Variants in ZNF451 observed in about 807,000 individuals in gnomAD.
ZNF451 encodes the protein E3 SUMO-protein ligase ZNF451.
In ZNF451, 80 loss-of-function variants were observed where a neutral mutation model predicts 107.1. The ratio of observed to expected loss-of-function variants is 0.75; its 90% CI spans 0.62 to 0.90. The LOEUF is 0.90. ZNF451 is among the 40% of genes least tolerant of loss of function. ZNF451 has a pLI of 0.00. For synonymous variants in ZNF451, 362 were observed against 406.5 expected (o/e 0.89, Z 1.32); for missense variants, 1,107 against 1,236.2 (o/e 0.90, Z 1.57).
intron 13 of ZNF451, among the ~76,000 whole-genome samples, chr6:57,156,660 C>G (rs1049257464): frequency 1.3e-5 from 2 of 152,194 alleles, no homozygotes; most frequent in African/African-American, 4.8e-5. Flanking sequence ...CATACAATTT[C>G]AAGGGATTTG....
chr6:57,124,921 A>C, intron 4 of ZNF451, 62 bp downstream of exon 4: 1 of 1,164,618 alleles, frequency 8.6e-7, no homozygotes, highest in Non-Finnish European at 1.1e-6. Context: ...AAAGTTGGTA[A>C]AAAGCCTTTA....
At chr6:57,166,357 T>A (rs1763897039) in intron 14 of ZNF451, among the ~76,000 whole-genome samples, 2 of 152,346 alleles carry the variant, frequency 1.3e-5, no homozygotes, top group South Asian at 4.1e-4. Flanking sequence ...TTTTTTTTCT[T>A]CAGTAATCAG....
At chr6:57,114,690 T>A (rs1292773476) in intron 3 of ZNF451, among the ~76,000 whole-genome samples, 1 of 152,192 alleles carries the variant, frequency 6.6e-6, no homozygotes, top group Non-Finnish European at 1.5e-5. Flanking sequence ...ATTAAACATA[T>A]TTTTATAAGG....
chr6:57,108,031 G>C (rs768216892), intron 3 of ZNF451: 30 of 553,864 alleles, frequency 5.4e-5, no homozygotes, highest in Non-Finnish European at 6.4e-5. Flanking sequence ...GTAGAGATGG[G>C]GTTTCACCGT....
At chr6:57,103,257 A>G (rs563894133) in intron 3 of ZNF451, 1 of 985,440 alleles carries the variant, frequency 1.0e-6, no homozygotes, top group South Asian at 4.7e-5. Context: ...ATAGCTGTGG[A>G]TGTGGTGAAG....
chr6:57,158,963 G>A, intron 13 of ZNF451: 2 of 985,428 alleles, frequency 2.0e-6, no homozygotes, highest in Non-Finnish European at 2.4e-6. Context: ...CTATGGAAGT[G>A]TAGATGATTG....
intron 2 of ZNF451, among the ~76,000 whole-genome samples, chr6:57,091,783 T>TA (rs1264130149): frequency 1.3e-5 from 2 of 152,232 alleles, no homozygotes; most frequent in Admixed American, 6.5e-5. Flanking sequence ...AATTTTTCGT[T>TA]GAGTGTCAGA....
Position 57,156,056 on chromosome 6 carries a change from ATAGT to A in ZNF451, c.3070+2014_3070+2017del, listed in dbSNP as rs138444792. Among the ~76,000 whole-genome samples, 1,345 of 152,118 alleles carry A rather than the reference ATAGT, an allele frequency of 8.8e-3. 28 individuals are homozygous for A. The highest frequency in any genetic ancestry group is 0.03 in the African/African-American group (1,246 of 41,496). On this transcript the variant is annotated intron_variant, in intron 13 of 14. Coordinates refer to ENST00000370706, the MANE Select transcript of ZNF451 (RefSeq NM_001031623.3). The stretch of plus-strand genomic sequence containing the variant: ...ATTTTTTTGTATTTATATGGTTGTA[ATAGT>A]TAGTGATGTATGTAAAGTGTCTAGC...
At chr6:57,138,205 A>G (rs1047001601) in intron 7 of ZNF451, among the ~76,000 whole-genome samples, 36 of 151,078 alleles carry the variant, frequency 2.4e-4, no homozygotes, top group African/African-American at 8.8e-4. Context: ...CCCGCCAGCA[A>G]TGTTTGTGGG....
At chr6:57,099,617 C>G in intron 3 of ZNF451, 1 of 673,274 alleles carries the variant, frequency 1.5e-6, no homozygotes, top group Non-Finnish European at 2.7e-6. Context: ...AGTCATCATC[C>G]CTTTAACCTT....
chr6:57,121,494 C>T (rs1315365310), intron 3 of ZNF451, among the ~76,000 whole-genome samples: 1 of 152,132 alleles, frequency 6.6e-6, no homozygotes, highest in Non-Finnish European at 1.5e-5. Flanking sequence ...AGTGAGTCTT[C>T]TATCTGTGAA....
intron 3 of ZNF451, chr6:57,100,738 T>C (rs1238086156): frequency 6.4e-7 from 1 of 1,550,584 alleles, no homozygotes. Flanking sequence ...AAGGATAGTT[T>C]CTCAAACTTC....
intron 3 of ZNF451, among the ~76,000 whole-genome samples, chr6:57,110,930 C>T (rs9475778): frequency 0.12 from 17,471 of 145,728 alleles, 1,255 homozygotes; most frequent in African/African-American, 0.19. Context: ...TTCTTTTTCC[C>T]TTATTTTTTG....
intron 3 of ZNF451, among the ~76,000 whole-genome samples, chr6:57,113,306 T>C (rs1339078983): frequency 6.6e-6 from 1 of 152,058 alleles, no homozygotes; most frequent in Non-Finnish European, 1.5e-5. Flanking sequence ...GCAGAGGACA[T>C]GATGTCATTC....
intron 4 of ZNF451, among the ~76,000 whole-genome samples, chr6:57,127,893 C>A (rs1375806854): frequency 6.6e-6 from 1 of 152,160 alleles, no homozygotes; most frequent in African/African-American, 2.4e-5. Flanking sequence ...TCTAGTTCAG[C>A]ATTGTCATTG....
At position 57,134,749 on chromosome 6, in the gene ZNF451, A is replaced by T. The variant is rs765005180; in HGVS notation, c.581A>T (p.Asp194Val). The change falls in exon 7 of 15, where the codon GAT becomes GTT. Residue 194 changes from aspartate (D) to valine (V), a missense_variant. Coordinates refer to ENST00000370706, the MANE Select transcript of ZNF451 (RefSeq NM_001031623.3). ...TTACCTCTTTTGCTGAGTAGGTTCG[A>T]TCACTCTCCATGTGATCCAACAATT... is the stretch of plus-strand genomic sequence containing the variant. The part of the protein sequence containing the change: ...HLLLGHLKRF[D>V]HSPCDPTITL... The T allele has an allele frequency of 3.7e-6, 6 of 1,612,404 alleles. No individual in the cohort carries two copies.
chr6:57,142,480 G>A (rs981123740), intron 9 of ZNF451, among the ~76,000 whole-genome samples: 2 of 152,290 alleles, frequency 1.3e-5, no homozygotes, highest in South Asian at 2.1e-4. Context: ...AAAGAGTCCA[G>A]TATGATTTGT....
chr6:57,125,963 G>T (rs1290296239), intron 4 of ZNF451, among the ~76,000 whole-genome samples: 1 of 151,858 alleles, frequency 6.6e-6, no homozygotes. Flanking sequence ...ATTTTTTTAT[G>T]TGTCAAATCT....
At chr6:57,109,046 A>G in intron 3 of ZNF451, 5 of 985,334 alleles carry the variant, frequency 5.1e-6, no homozygotes, top group Non-Finnish European at 6.0e-6. Context: ...AACTTCCTTT[A>G]TGGCTTTACT....
Sources: allele counts gnomAD v4.1 joint callset (sites outside exome capture counted in the v4.1 genomes callset), GRCh38; gene constraint gnomAD v4.1.1; transcripts MANE v1.5; gene names NCBI Gene and HGNC (gene_info 2026-07-23, HGNC 2026-07-21).